Variants in MTUS2 observed in about 807,000 individuals in gnomAD.
MTUS2 encodes microtubule associated scaffold protein 2.
A neutral mutation model predicts 114.1 loss-of-function variants in MTUS2; 40 were observed. The observed-to-expected ratio is 0.35, with a 90% CI of 0.27 to 0.46. The LOEUF is 0.46. MTUS2 is among the 20% of genes least tolerant of loss of function. The pLI, the probability that MTUS2 is intolerant of heterozygous loss-of-function variation, is 1.00. For synonymous variants in MTUS2, 688 were observed against 672.0 expected, an observed-to-expected ratio of 1.02 and a Z score of -0.37; for missense variants, 1,679 against 1,705.4, an observed-to-expected ratio of 0.98 and a Z score of 0.27.
intron 2 of MTUS2, among the ~76,000 whole-genome samples, chr13:29,021,896 A>T (rs1443552878): frequency 6.6e-6 from 1 of 152,168 alleles, no homozygotes; most frequent in Non-Finnish European, 1.5e-5. Flanking sequence ...TGAGGGCTAT[A>T]TTGGGGTCAG....
chr13:29,085,569 A>T (rs1889654393), intron 4 of MTUS2, among the ~76,000 whole-genome samples: 1 of 152,210 alleles, frequency 6.6e-6, no homozygotes, highest in Non-Finnish European at 1.5e-5. Flanking sequence ...TAATTTGCTT[A>T]GGGTAATGGC....
chr13:28,925,861 CTTA>C (rs1473590982), intron 2 of MTUS2, among the ~76,000 whole-genome samples: 2 of 152,214 alleles, frequency 1.3e-5, no homozygotes, highest in East Asian at 3.9e-4. Flanking sequence ...GATGGTTGCT[CTTA>C]TTATGAAACC....
intron 2 of MTUS2, among the ~76,000 whole-genome samples, chr13:28,937,708 C>G (rs76009910): frequency 6.6e-6 from 1 of 152,106 alleles, no homozygotes; most frequent in Non-Finnish European, 1.5e-5. Flanking sequence ...GTAGGTGGGT[C>G]CTGCGTGTCC....
chr13:28,988,692 A>C (rs758513823), intron 2 of MTUS2, among the ~76,000 whole-genome samples: 2 of 152,184 alleles, frequency 1.3e-5, no homozygotes, highest in African/African-American at 2.4e-5. Context: ...TAACACGAAA[A>C]TGTTAAAAGT....
At chr13:29,260,310 G>A (rs1307087744) in intron 5 of MTUS2, among the ~76,000 whole-genome samples, 1 of 152,148 alleles carries the variant, frequency 6.6e-6, no homozygotes, top group East Asian at 1.9e-4. Context: ...GAAGATTAAG[G>A]TTTTGGACCG....
intron 2 of MTUS2, among the ~76,000 whole-genome samples, chr13:29,007,996 G>C (rs1885673869): frequency 6.6e-6 from 1 of 152,186 alleles, no homozygotes; most frequent in African/African-American, 2.4e-5. Flanking sequence ...ATTCTTATTA[G>C]TGTACCATGA....
intron 7 of MTUS2, among the ~76,000 whole-genome samples, chr13:29,348,027 A>G (rs4570686): frequency 0.79 from 104,757 of 132,568 alleles, 42,480 homozygotes; most frequent in East Asian, 0.89. Flanking sequence ...GGATGCATTC[A>G]CCAACCCAGA....
rs545027698 is a variant in MTUS2 at position 29,230,546 on chromosome 13, A to G, written c.2645-51158A>G. Reference sequence around the variant, plus strand: ...CTGTTATTGCTCTCTAATACCTTCAAGTAGCCTTGTGATTTTTGCTGTTTT... The same window carrying G: ...CTGTTATTGCTCTCTAATACCTTCAGGTAGCCTTGTGATTTTTGCTGTTTT... On this transcript the variant is annotated intron_variant, in intron 5 of 15. Coordinates refer to ENST00000612955, the MANE Select transcript of MTUS2 (RefSeq NM_001033602.4). Among the ~76,000 whole-genome samples, 125 of 152,354 alleles carry G rather than the reference A, an allele frequency of 8.2e-4. 2 individuals carry two copies. The Middle Eastern group carries it at 0.017, about 21-fold the overall frequency.
intron 4 of MTUS2, among the ~76,000 whole-genome samples, chr13:29,067,145 A>G (rs992562502): frequency 2.6e-5 from 4 of 152,188 alleles, no homozygotes; most frequent in Non-Finnish European, 5.9e-5. Flanking sequence ...AAATGCTGAA[A>G]TTGGAGCTAA....
chr13:28,923,753 T>G (rs1881175369), intron 2 of MTUS2, among the ~76,000 whole-genome samples: 1 of 152,170 alleles, frequency 6.6e-6, no homozygotes, highest in Non-Finnish European at 1.5e-5. Flanking sequence ...CTTCCCAACC[T>G]AGTTCACTTG....
chr13:29,077,297 A>G (rs1368004144), intron 4 of MTUS2, among the ~76,000 whole-genome samples: 1 of 152,176 alleles, frequency 6.6e-6, no homozygotes, highest in East Asian at 1.9e-4. Context: ...GAGAGGAAGA[A>G]TTGCTTCTCA....
intron 2 of MTUS2, among the ~76,000 whole-genome samples, chr13:28,898,407 C>T (rs993613243): frequency 2.0e-5 from 3 of 152,192 alleles, no homozygotes; most frequent in Admixed American, 6.5e-5. Context: ...ATGGTATGTT[C>T]CTCGTGGGTT....
At chr13:28,827,002 T>C (rs1298848068) in intron 1 of MTUS2, among the ~76,000 whole-genome samples, 1 of 152,226 alleles carries the variant, frequency 6.6e-6, no homozygotes, top group African/African-American at 2.4e-5. Flanking sequence ...TCATTGAAAA[T>C]AGCTTCTCAA....
rs540393101 is a variant in MTUS2, at chr13:29,489,702, T to C, written c.3505+1697T>C. 3 of 152,364 alleles carry C rather than the reference T, an allele frequency of 2.0e-5. No individual in the cohort carries two copies. The South Asian group carries it at 6.2e-4, about 32-fold the overall frequency. 9.4% of individuals were successfully genotyped at this position (152,364 alleles called of 1,614,324 possible). A position where few individuals can be genotyped will look rare whatever the true frequency, so the allele number is the denominator to read the frequency against. On this transcript the variant is annotated intron_variant, in intron 11 of 15. Transcript: ENST00000612955. Reference sequence around the variant, plus strand: ...TTTAAAACTCCCTAGGTGATTCTAATACGCAGGAAAACTTGAGGACCATTG... The same window carrying C: ...TTTAAAACTCCCTAGGTGATTCTAACACGCAGGAAAACTTGAGGACCATTG...
intron 2 of MTUS2, among the ~76,000 whole-genome samples, chr13:28,929,515 A>G (rs1417840341): frequency 6.6e-6 from 1 of 152,110 alleles, no homozygotes; most frequent in Non-Finnish European, 1.5e-5. Flanking sequence ...TTGATATTTG[A>G]GCTTGGCCTG....
At chr13:29,268,958 C>T (rs1897773532) in intron 5 of MTUS2, among the ~76,000 whole-genome samples, 1 of 152,156 alleles carries the variant, frequency 6.6e-6, no homozygotes, top group South Asian at 2.1e-4. Flanking sequence ...TCTCAAACTC[C>T]TGGCTCCAAG....
chr13:29,080,409 A>G (rs543982683), intron 4 of MTUS2, among the ~76,000 whole-genome samples: 2 of 152,276 alleles, frequency 1.3e-5, no homozygotes, highest in African/African-American at 4.8e-5. Flanking sequence ...AACTAATAGG[A>G]TAGATGGATA....
intron 5 of MTUS2, among the ~76,000 whole-genome samples, chr13:29,211,021 C>A (rs371597852): frequency 6.6e-6 from 1 of 152,026 alleles, no homozygotes; most frequent in South Asian, 2.1e-4. Flanking sequence ...ATGGGCAGGG[C>A]CATAGAGTTC....
rs185955473 is a variant in MTUS2, at chr13:29,216,805, G to A, written c.2645-64899G>A. Among the ~76,000 whole-genome samples the A allele has an allele frequency of 1.3e-3, 205 of 152,154 alleles. 2 individuals carry two copies. Among genetic ancestry groups the A allele is most frequent in the Admixed American group, 4.8e-3 (73 of 15,290 alleles). On this transcript the variant is annotated intron_variant, in intron 5 of 15. Transcript: ENST00000612955. ...CTGCAGACTGGAGCGTTTTCTATTC[G>A]GCCATCTTGGAAAAACCTCATGGCT...
Sources: allele counts gnomAD v4.1 joint callset (sites outside exome capture counted in the v4.1 genomes callset), GRCh38; gene constraint gnomAD v4.1.1; transcripts MANE v1.5; gene names NCBI Gene and HGNC (gene_info 2026-07-23, HGNC 2026-07-21).